RASSF2: variants seen among roughly 807,000 people sequenced by gnomAD.
The protein encoded by RASSF2 is ras association domain-containing protein 2.
A neutral mutation model predicts 46.3 loss-of-function variants in RASSF2; 34 were observed. That is an observed-to-expected ratio of 0.73 (90% CI 0.56 to 0.98). The LOEUF is 0.98. Among genes scored for constraint, RASSF2 ranks in the 50% least tolerant of loss-of-function variants. RASSF2 has a pLI of 0.00. For missense variants in RASSF2, 364 were observed against 431.2 expected (o/e 0.84, Z 1.38); for synonymous variants, 158 against 162.5 (o/e 0.97, Z 0.21).
chr20:4,813,032 G>A (rs2423035), intron 2 of RASSF2, among the ~76,000 whole-genome samples: 53,521 of 151,934 alleles, frequency 0.35, 9,679 homozygotes, highest in Admixed American at 0.43. Flanking sequence ...GGTCCAGGAC[G>A]TGGGCACTTG....
intron 2 of RASSF2, among the ~76,000 whole-genome samples, chr20:4,813,015 A>C (rs1927952181): frequency 6.6e-6 from 1 of 152,126 alleles, no homozygotes. Context: ...AGAGGCCCAG[A>C]GCCGCAGGTC....
chr20:4,810,544 G>A (rs7343420), intron 2 of RASSF2, among the ~76,000 whole-genome samples: 55,444 of 151,980 alleles, frequency 0.36, 10,532 homozygotes, highest in Admixed American at 0.49. Context: ...ACCCTGGCTC[G>A]CCCTACGTGG....
chr20:4,817,225 T>C (rs570106974), intron 2 of RASSF2, among the ~76,000 whole-genome samples: 1 of 152,344 alleles, frequency 6.6e-6, no homozygotes, highest in South Asian at 2.1e-4. Flanking sequence ...GTATGACTGT[T>C]GGTCTCCATT....
chr20:4,796,880 T>C (rs1047163700), intron 4 of RASSF2, among the ~76,000 whole-genome samples: 3 of 152,188 alleles, frequency 2.0e-5, no homozygotes, highest in Non-Finnish European at 4.4e-5. Context: ...CTCCTCCCTC[T>C]AGTCTCAGAA....
chr20:4,802,509 G>C (rs1415023401), intron 2 of RASSF2, among the ~76,000 whole-genome samples: 2 of 152,198 alleles, frequency 1.3e-5, no homozygotes, highest in African/African-American at 2.4e-5. Flanking sequence ...AGGAAGGAAA[G>C]GCTGGCACAT....
At position 4,780,996 on chromosome 20, in the gene RASSF2, C is replaced by T. The variant is rs1351173015; in HGVS notation, c.*3277G>A. The T allele has an allele frequency of 1.3e-5, 2 of 151,926 alleles. No homozygotes were observed. The highest frequency in any genetic ancestry group is 4.8e-5 in the African/African-American group (2 of 41,368). 9.4% of individuals were successfully genotyped at this position (151,926 alleles called of 1,614,324 possible). ...AAAAAAAAAAAAGAAAGAAAGAAAC[C>T]TCTCTCGGCGATGTATCTGTGACAC... On this transcript the variant is annotated 3_prime_UTR_variant, in exon 12 of 12. Transcript: ENST00000379400.
chr20:4,800,288 AG>A (rs1292021329), intron 3 of RASSF2, among the ~76,000 whole-genome samples: 1 of 152,160 alleles, frequency 6.6e-6, no homozygotes, highest in Non-Finnish European at 1.5e-5. Context: ...AGAGCAGCCG[AG>A]GGACACACTA....
intron 2 of RASSF2, among the ~76,000 whole-genome samples, chr20:4,809,661 A>G (rs1927616475): frequency 6.6e-6 from 1 of 152,170 alleles, no homozygotes; most frequent in African/African-American, 2.4e-5. Context: ...CTAACCTGCT[A>G]CCTTAGGCCA....
intron 2 of RASSF2, among the ~76,000 whole-genome samples, chr20:4,818,506 G>A (rs1488471171): frequency 6.6e-6 from 1 of 152,160 alleles, no homozygotes; most frequent in African/African-American, 2.4e-5. Context: ...GCTCCCAAGT[G>A]CCAATGGCGC....
chr20:4,784,877 G>T (rs565295332), intron 11 of RASSF2, among the ~76,000 whole-genome samples: 1 of 152,198 alleles, frequency 6.6e-6, no homozygotes, highest in African/African-American at 2.4e-5. Context: ...CCGTGGCTTG[G>T]GGGGAGTTCT....
At chr20:4,808,675 G>A (rs1472481329) in intron 2 of RASSF2, among the ~76,000 whole-genome samples, 1 of 151,752 alleles carries the variant, frequency 6.6e-6, no homozygotes, top group Admixed American at 6.6e-5. Context: ...TTGTAAAGAT[G>A]GAGTCTCACT....
At chr20:4,792,935 G>T in intron 5 of RASSF2, 2 of 390,798 alleles carry the variant, frequency 5.1e-6, no homozygotes, top group Non-Finnish European at 9.3e-6. Flanking sequence ...TAATACCAAG[G>T]AACAAAACCC....
intron 2 of RASSF2, among the ~76,000 whole-genome samples, chr20:4,819,337 C>T (rs973348348): frequency 1.3e-5 from 2 of 152,002 alleles, no homozygotes; most frequent in Admixed American, 1.3e-4. Flanking sequence ...AAAAGTAGAT[C>T]GTGAAACAAG....
intron 2 of RASSF2, among the ~76,000 whole-genome samples, chr20:4,802,550 A>C (rs558471801): frequency 1.3e-5 from 2 of 152,204 alleles, no homozygotes; most frequent in Non-Finnish European, 2.9e-5. Flanking sequence ...TGAAGACATT[A>C]TAACAGGCCA....
chr20:4,817,186 A>ATTCC (rs1312419508), intron 2 of RASSF2, among the ~76,000 whole-genome samples: 1 of 152,244 alleles, frequency 6.6e-6, no homozygotes, highest in African/African-American at 2.4e-5. Context: ...TTGGTATTCC[A>ATTCC]AAGTATAGAC....
chr20:4,789,659 G>T lies in RASSF2; in HGVS notation c.576C>A (p.Asn192Lys). Residue 192 changes from asparagine to lysine, a missense_variant, in exon 8 of 12, where the codon AAC becomes AAA. Physicochemically the swap from Asn to Lys is moderately conservative, Grantham distance 94 (BLOSUM62 0). Transcript: ENST00000379400. The part of the protein sequence containing the change: ...VFTPAYGSVT[N>K]VRINSTMTTP... ...TGGTCATGGTGCTGTTGATGCGGAC[G>T]TTGGTGACAGAGCCATAGGCTGGTG... is the stretch of plus-strand genomic sequence containing the variant. 1 of 1,614,114 alleles carries T rather than the reference G, an allele frequency of 6.2e-7. No homozygotes were observed. The highest frequency in any genetic ancestry group is 8.5e-7 in the Non-Finnish European group (1 of 1,180,028).
Position 4,812,961 on chromosome 20 carries a change from G to A in RASSF2, c.-33+9368C>T, listed in dbSNP as rs1315492050. Among the ~76,000 whole-genome samples, 3 of 152,162 alleles carry A rather than the reference G, an allele frequency of 2.0e-5. No homozygotes were observed. Among genetic ancestry groups the A allele is most frequent in the African/African-American group, 2.4e-5 (1 of 41,434 alleles). On this transcript the variant is annotated intron_variant, in intron 2 of 11. Coordinates refer to ENST00000379400, the MANE Select transcript of RASSF2 (RefSeq NM_014737.3). The surrounding 1 kb of genome is among the most constrained non-coding windows in gnomAD (Gnocchi z 4.0). Reference sequence around the variant, plus strand: ...GGGAGGCGAGTGAGTGACCAGCCCAGAGGACAAGCTGTGGGAAAAGCAGAC... The same window carrying A: ...GGGAGGCGAGTGAGTGACCAGCCCAAAGGACAAGCTGTGGGAAAAGCAGAC...
intron 3 of RASSF2, among the ~76,000 whole-genome samples, chr20:4,800,696 C>T (rs1926786135): frequency 1.3e-5 from 2 of 152,110 alleles, no homozygotes; most frequent in African/African-American, 2.4e-5. Flanking sequence ...GGAAGTCTTC[C>T]AGGATACCAC....
chr20:4,797,930 C>CCT, intron 4 of RASSF2, 80 bp downstream of exon 4: 1 of 1,583,360 alleles, frequency 6.3e-7, no homozygotes, highest in Admixed American at 1.8e-5. Flanking sequence ...TCTCTTGGGA[C>CCT]CTCAGGGACC....
Sources: gnomAD v4.1 joint callset for allele counts (sites outside exome capture counted in the v4.1 genomes callset) on GRCh38, gnomAD v4.1.1 for gene constraint, Gnocchi (gnomAD v3.1) non-coding constraint, MANE v1.5 for transcripts, NCBI Gene and HGNC (gene_info 2026-07-23, HGNC 2026-07-21) for gene names.